ATRNL1: variants seen among roughly 807,000 people sequenced by gnomAD.
ATRNL1 encodes the protein attractin-like protein 1.
Under a neutral mutation model 182.7 loss-of-function variants are expected in ATRNL1, and 95 were observed. The observed-to-expected ratio is 0.52, with a 90% CI of 0.44 to 0.62. The LOEUF is 0.62. ATRNL1 is among the 20% of genes least tolerant of loss of function. The pLI is 0.00. For synonymous variants in ATRNL1, 576 were observed against 568.3 expected, an observed-to-expected ratio of 1.01 and a Z score of -0.19; for missense variants, 1,471 against 1,679.5, an observed-to-expected ratio of 0.88 and a Z score of 2.17.
chr10:115,296,291 C>T (rs1269482573), intron 15 of ATRNL1, among the ~76,000 whole-genome samples: 3 of 152,150 alleles, frequency 2.0e-5, no homozygotes, highest in Non-Finnish European at 4.4e-5. Context: ...TGCATCTCCA[C>T]TCCCCCACTG....
chr10:115,184,028 T>A (rs1278266708), intron 8 of ATRNL1, among the ~76,000 whole-genome samples: 1 of 151,538 alleles, frequency 6.6e-6, no homozygotes, highest in Non-Finnish European at 1.5e-5. Context: ...ACATCCCATT[T>A]AATAATAAAA....
At chr10:115,331,419 T>C (rs1592465410) in intron 18 of ATRNL1, among the ~76,000 whole-genome samples, 1 of 152,230 alleles carries the variant, frequency 6.6e-6, no homozygotes, top group East Asian at 1.9e-4. Flanking sequence ...TGTTTGATTT[T>C]TTAAATTATT....
chr10:115,922,353 C>T (rs150677569), intron 28 of ATRNL1, among the ~76,000 whole-genome samples: 3 of 151,968 alleles, frequency 2.0e-5, no homozygotes, highest in African/African-American at 7.3e-5. Flanking sequence ...TCATGAGTAA[C>T]CCAGAAAAAT....
At chr10:115,390,811 AG>A (rs1843979203) in intron 19 of ATRNL1, among the ~76,000 whole-genome samples, 12 of 152,246 alleles carry the variant, frequency 7.9e-5, no homozygotes, top group Admixed American at 5.2e-4. Context: ...CATTTATATA[AG>A]TCACTCGCTA....
intron 8 of ATRNL1, among the ~76,000 whole-genome samples, chr10:115,178,345 A>T (rs911531342): frequency 6.6e-6 from 1 of 152,170 alleles, no homozygotes; most frequent in East Asian, 1.9e-4. Context: ...AAAATGTTTA[A>T]TGAAGAAATC....
intron 26 of ATRNL1, among the ~76,000 whole-genome samples, chr10:115,685,755 C>A (rs1946197233): frequency 6.6e-6 from 1 of 151,594 alleles, no homozygotes; most frequent in Admixed American, 6.6e-5. Flanking sequence ...TTTTAAAAGG[C>A]CTATTTTTAT....
At chr10:115,870,093 G>T (rs1951546053) in intron 28 of ATRNL1, among the ~76,000 whole-genome samples, 1 of 148,560 alleles carries the variant, frequency 6.7e-6, no homozygotes, top group Non-Finnish European at 1.5e-5. Context: ...AAGCTAGTAT[G>T]TATGAACCAT....
intron 10 of ATRNL1, among the ~76,000 whole-genome samples, chr10:115,256,578 A>G (rs1369098739): frequency 6.6e-6 from 1 of 152,050 alleles, no homozygotes; most frequent in Non-Finnish European, 1.5e-5. Context: ...TAATCTTTTC[A>G]AAAAACCAGC....
At chr10:115,378,079 G>T (rs1169416019) in intron 19 of ATRNL1, among the ~76,000 whole-genome samples, 2 of 152,100 alleles carry the variant, frequency 1.3e-5, no homozygotes, top group Non-Finnish European at 2.9e-5. Flanking sequence ...GATGGACTGG[G>T]ACTGAGTCAC....
chr10:115,838,180 G>A (rs1555096074), intron 27 of ATRNL1, among the ~76,000 whole-genome samples: 1 of 152,064 alleles, frequency 6.6e-6, no homozygotes, highest in Admixed American at 6.6e-5. Flanking sequence ...AGTCATTTGG[G>A]TCTGCTGAAG....
At chr10:115,475,740 A>G (rs1003908240) in intron 24 of ATRNL1, among the ~76,000 whole-genome samples, 4 of 151,384 alleles carry the variant, frequency 2.6e-5, no homozygotes, top group Non-Finnish European at 5.9e-5. Context: ...ATAGATGATC[A>G]TCATTTTCTT....
At chr10:115,193,316 G>A (rs782211006) in intron 8 of ATRNL1, among the ~76,000 whole-genome samples, 4 of 151,940 alleles carry the variant, frequency 2.6e-5, no homozygotes, top group East Asian at 1.9e-4. Flanking sequence ...TGAAATGGCC[G>A]TATGATTTTT....
intron 27 of ATRNL1, among the ~76,000 whole-genome samples, chr10:115,751,945 A>G (rs1948460360): frequency 6.6e-6 from 1 of 152,044 alleles, no homozygotes; most frequent in Non-Finnish European, 1.5e-5. Flanking sequence ...GATGAAGGAA[A>G]TAGGGATGGT....
intron 19 of ATRNL1, among the ~76,000 whole-genome samples, chr10:115,363,346 C>G (rs1196285422): frequency 1.4e-5 from 2 of 146,674 alleles, no homozygotes; most frequent in African/African-American, 5.0e-5. Context: ...ATGTCCTTTG[C>G]CCACTTTTTG....
chr10:115,249,257 G>A (rs1850771268), intron 10 of ATRNL1, among the ~76,000 whole-genome samples: 1 of 152,082 alleles, frequency 6.6e-6, no homozygotes, highest in African/African-American at 2.4e-5. Flanking sequence ...GCCTCCCAAA[G>A]TGCTGGGATT....
At chr10:115,141,630 T>A (rs1554878101) in intron 5 of ATRNL1, among the ~76,000 whole-genome samples, 1 of 152,140 alleles carries the variant, frequency 6.6e-6, no homozygotes, top group Non-Finnish European at 1.5e-5. Flanking sequence ...TTTAGTTATT[T>A]TAGGATAGTA....
intron 26 of ATRNL1, among the ~76,000 whole-genome samples, chr10:115,647,070 C>T (rs527912711): frequency 7.2e-4 from 109 of 151,274 alleles, no homozygotes; most frequent in African/African-American, 2.4e-3. Flanking sequence ...TCTGTCCTTG[C>T]GATAGTTTGC....
intron 26 of ATRNL1, among the ~76,000 whole-genome samples, chr10:115,592,937 G>GTCTA (rs1271320759): frequency 6.6e-6 from 1 of 151,984 alleles, no homozygotes; most frequent in Admixed American, 6.6e-5. Flanking sequence ...CTGTCTGTCT[G>GTCTA]TCTATCTGTC....
At chr10:115,912,586 C>T (rs1363617299) in intron 28 of ATRNL1, among the ~76,000 whole-genome samples, 1 of 151,692 alleles carries the variant, frequency 6.6e-6, no homozygotes, top group Non-Finnish European at 1.5e-5. Flanking sequence ...TAGGAATCTA[C>T]CTTAAGGAAA....
Sources: gnomAD v4.1 joint callset for allele counts (sites outside exome capture counted in the v4.1 genomes callset) on GRCh38, gnomAD v4.1.1 for gene constraint, MANE v1.5 for transcripts, NCBI Gene and HGNC (gene_info 2026-07-23, HGNC 2026-07-21) for gene names.